Variants in ENAH observed in about 807,000 individuals in gnomAD.
ENAH encodes protein enabled homolog.
ENAH carries 23 observed loss-of-function variants against 78.7 expected under a neutral mutation model. The ratio of observed to expected loss-of-function variants is 0.29; its 90% CI spans 0.21 to 0.41. The LOEUF (loss-of-function observed/expected upper bound fraction) is 0.41, where lower values mean the gene tolerates loss of function less well. Among genes scored for constraint, ENAH ranks in the 10% least tolerant of loss-of-function variants. The pLI, the probability that ENAH is intolerant of heterozygous loss-of-function variation, is 1.00. For missense variants in ENAH, 544 were observed against 691.0 expected (o/e 0.79, Z 2.39); for synonymous variants, 226 against 241.0 (o/e 0.94, Z 0.58).
In ENAH at chr1:225,507,943, A is replaced by T. The variant is rs771437367; in HGVS notation, c.1538+8T>A. ...TAAAATATAAAACTTAGAGAAAAAA[A>T]TTGATACCTGGAGATAACAGGTGAC... On this transcript the variant is annotated splice_region_variant and intron_variant, in intron 11 of 13. Transcript: ENST00000366843. 7 of 1,533,608 alleles carry T rather than the reference A, an allele frequency of 4.6e-6. No homozygotes were observed. Among genetic ancestry groups the T allele is most frequent in the Non-Finnish European group, 6.1e-6 (7 of 1,148,492 alleles).
At position 225,491,073 on chromosome 1, in the gene ENAH, CAAGT is replaced by C. The variant is rs1443175648; in HGVS notation, c.*6698_*6701del. 2.0e-5 allele frequency: 3 copies of C among 152,168 alleles called. No homozygotes were observed. The highest frequency in any genetic ancestry group is 4.4e-5 in the Non-Finnish European group (3 of 68,020). 9.4% of individuals were successfully genotyped at this position (152,168 alleles called of 1,614,324 possible). ...CAGTGCCTCGGTCAGCAGAACCAAC[CAAGT>C]GACACCTGAGATCAACTGGTAGTAA... On this transcript the variant is annotated 3_prime_UTR_variant, in exon 14 of 14. Coordinates refer to ENST00000366843, the MANE Select transcript of ENAH (RefSeq NM_018212.6).
At position 225,507,936 on chromosome 1, in the gene ENAH, G is replaced by GA; in HGVS notation, c.1538+14dup. On this transcript the variant is annotated intron_variant, in intron 11 of 13. Coordinates refer to ENST00000366843, the MANE Select transcript of ENAH (RefSeq NM_018212.6). ...ATACAAATAAAATATAAAACTTAGA[G>GA]AAAAAAATTGATACCTGGAGATAAC... is the stretch of plus-strand genomic sequence containing the variant. 2.6e-6 allele frequency: 4 copies of GA among 1,519,534 alleles called. No individual in the cohort carries two copies. The highest frequency in any genetic ancestry group is 2.4e-4 in the Middle Eastern group (1 of 4,132). The allele number at this position is 1,519,534 out of a possible 1,614,324, so 94.1% of individuals were successfully genotyped here. A position where few individuals can be genotyped will look rare whatever the true frequency, so the allele number is the denominator to read the frequency against.
At chr1:225,591,045 A>AT (rs1419414936) in intron 1 of ENAH, among the ~76,000 whole-genome samples, 1 of 152,236 alleles carries the variant, frequency 6.6e-6, no homozygotes, top group African/African-American at 2.4e-5. Context: ...TATTAATGCT[A>AT]TAACACTTTT....
At chr1:225,564,743 C>T (rs891220177) in intron 2 of ENAH, among the ~76,000 whole-genome samples, 5 of 152,094 alleles carry the variant, frequency 3.3e-5, no homozygotes, top group Admixed American at 2.6e-4. Flanking sequence ...GCTAGTTTAT[C>T]TTTTCAATGA....
chr1:225,512,007 G>T (rs2096380654), intron 9 of ENAH, 148 bp from the exon 10 acceptor site: 1 of 530,452 alleles, frequency 1.9e-6, no homozygotes, highest in African/African-American at 2.0e-5. Flanking sequence ...TTTCAGCTTA[G>T]ACTTTCTTCT....
chr1:225,498,912 T>C (rs2096265014), intron 12 of ENAH, among the ~76,000 whole-genome samples: 2 of 152,278 alleles, frequency 1.3e-5, no homozygotes, highest in African/African-American at 4.8e-5. Flanking sequence ...ACCTCAGGGA[T>C]TGCCCTAATG....
At chr1:225,589,243 C>T (rs897977831) in intron 1 of ENAH, among the ~76,000 whole-genome samples, 1 of 152,130 alleles carries the variant, frequency 6.6e-6, no homozygotes, top group African/African-American at 2.4e-5. Context: ...GTTTGAGTTA[C>T]ACGTTTGCAT....
chr1:225,520,703 A>C (rs1195900859), intron 4 of ENAH, among the ~76,000 whole-genome samples: 1 of 151,992 alleles, frequency 6.6e-6, no homozygotes, highest in African/African-American at 2.4e-5. Flanking sequence ...AAAAAATTTT[A>C]AAATCAGCCA....
chr1:225,649,502 C>A (rs111796555), intron 1 of ENAH, among the ~76,000 whole-genome samples: 1,628 of 152,146 alleles, frequency 0.011, 23 homozygotes, highest in African/African-American at 0.037. Context: ...CATACATACA[C>A]GCACACTTTA....
At chr1:225,555,191 T>C in intron 2 of ENAH, 108 bp from the exon 3 acceptor site, 2 of 908,446 alleles carry the variant, frequency 2.2e-6, no homozygotes, top group East Asian at 2.7e-5. Flanking sequence ...TAACAGACCT[T>C]GGCAAAAATT....
rs547013520 is a variant in ENAH, at chr1:225,564,694, C to A, written c.171+2555G>T. Among the ~76,000 whole-genome samples, 271 of 152,208 alleles carry A rather than the reference C, an allele frequency of 1.8e-3. 1 individual carries two copies. Among genetic ancestry groups the A allele is most frequent in the Non-Finnish European group, 3.3e-3 (224 of 68,010 alleles). On this transcript the variant is annotated intron_variant, in intron 2 of 13. Transcript: ENST00000366843. ...GCAAGCAATCTTCCTGCCTTGGCGT[C>A]CCAAAAAGCTGGGATTACAGGTGTG... is the stretch of plus-strand genomic sequence containing the variant.
chr1:225,509,266 C>T (rs752537631), intron 10 of ENAH, among the ~76,000 whole-genome samples: 12 of 152,100 alleles, frequency 7.9e-5, no homozygotes, highest in Non-Finnish European at 1.3e-4. Context: ...AACTGAGGGA[C>T]ACCGGGACAG....
Position 225,495,982 on chromosome 1 carries a change from C to T in ENAH, c.*1793G>A, listed in dbSNP as rs1395991448. On this transcript the variant is annotated 3_prime_UTR_variant, in exon 14 of 14. Transcript: ENST00000366843. ...TGTAGTGGTAAAGGCTGCAAATTTGCAGCGTTTAGAAAACTACACTATCAA... is the reference window on the plus strand; with the variant it reads ...TGTAGTGGTAAAGGCTGCAAATTTGTAGCGTTTAGAAAACTACACTATCAA... 4.6e-5 allele frequency: 7 copies of T among 152,628 alleles called. No homozygotes were observed. In the East Asian group the frequency reaches 1.4e-3, roughly 29 times the overall value. 9.5% of individuals were successfully genotyped at this position (152,628 alleles called of 1,614,324 possible).
At chr1:225,564,181 T>C (rs529110597) in intron 2 of ENAH, among the ~76,000 whole-genome samples, 1 of 152,126 alleles carries the variant, frequency 6.6e-6, no homozygotes, top group Non-Finnish European at 1.5e-5. Context: ...AGTGGCACAA[T>C]CACACTTACT....
chr1:225,586,831 C>G (rs1256042201), intron 1 of ENAH, among the ~76,000 whole-genome samples: 4 of 151,504 alleles, frequency 2.6e-5, no homozygotes, highest in Admixed American at 2.6e-4. Context: ...CGAGACCAGC[C>G]TGGCCAACAT....
At chr1:225,533,563 G>A (rs1164040704) in intron 3 of ENAH, among the ~76,000 whole-genome samples, 1 of 152,118 alleles carries the variant, frequency 6.6e-6, no homozygotes, top group Non-Finnish European at 1.5e-5. Flanking sequence ...GCAGCTGTTT[G>A]AGAGTTTGTT....
Position 225,648,468 on chromosome 1 carries a change from A to G in ENAH, c.5+4218T>C, listed in dbSNP as rs144444519. Among the ~76,000 whole-genome samples the G allele has an allele frequency of 3.2e-3, 492 of 152,382 alleles. 7 individuals carry two copies. The highest frequency in any genetic ancestry group is 0.011 in the African/African-American group (474 of 41,592). Reference sequence around the variant, plus strand: ...TTATTTTGCTTAATCCAACTGGGCCAACAAGGTATCCAACACCTTGAATAC... The same window carrying G: ...TTATTTTGCTTAATCCAACTGGGCCGACAAGGTATCCAACACCTTGAATAC... On this transcript the variant is annotated intron_variant, in intron 1 of 13. Coordinates refer to ENST00000366843, the MANE Select transcript of ENAH (RefSeq NM_018212.6).
chr1:225,546,487 T>C (rs956173158), intron 3 of ENAH, among the ~76,000 whole-genome samples: 2 of 152,066 alleles, frequency 1.3e-5, no homozygotes, highest in East Asian at 3.9e-4. Flanking sequence ...AAGAGAAGCA[T>C]CCTTCCAAGA....
intron 3 of ENAH, among the ~76,000 whole-genome samples, chr1:225,533,749 T>A (rs2096549168): frequency 6.6e-6 from 1 of 152,172 alleles, no homozygotes; most frequent in East Asian, 1.9e-4. Context: ...AGGAACTGTA[T>A]GTCAGTCTTG....
Sources: gnomAD v4.1 joint callset for allele counts (sites outside exome capture counted in the v4.1 genomes callset) on GRCh38, gnomAD v4.1.1 for gene constraint, MANE v1.5 for transcripts, NCBI Gene and HGNC (gene_info 2026-07-23, HGNC 2026-07-21) for gene names.